The following BPTF variants were observed in gnomAD, a reference collection of about 807,000 sequenced individuals.
The protein encoded by BPTF is bromodomain PHD finger transcription factor.
A neutral mutation model predicts 292.5 loss-of-function variants in BPTF; 18 were observed. The ratio of observed to expected loss-of-function variants is 0.06; its 90% confidence interval spans 0.04 to 0.09. BPTF has a LOEUF of 0.09. BPTF is among the 10% of genes least tolerant of loss of function. The pLI is 1.00. For missense variants in BPTF, 2,726 were observed against 3,498.7 expected (o/e 0.78, Z 5.57); for synonymous variants, 1,225 against 1,251.9 (o/e 0.98, Z 0.45).
chr17:67,976,071 T>TCA, intron 27 of BPTF, 113 bp downstream of exon 27: 1 of 682,290 alleles, frequency 1.5e-6, no homozygotes, highest in Admixed American at 6.4e-5. Context: ...TTAAATATCT[T>TCA]TAAAAAAAAA....
intron 23 of BPTF, among the ~76,000 whole-genome samples, chr17:67,952,321 T>C (rs2148097800): frequency 6.7e-6 from 1 of 149,228 alleles, no homozygotes; most frequent in Non-Finnish European, 1.5e-5. Flanking sequence ...CTGGAGCGTG[T>C]AGGGCCATCT....
chr17:67,973,894 C>A (rs1253007803), intron 26 of BPTF: 1 of 151,996 alleles, frequency 6.6e-6, no homozygotes, highest in Non-Finnish European at 1.5e-5. Flanking sequence ...ACAGTTAAAT[C>A]TGTTCCTGTT....
intron 18 of BPTF, among the ~76,000 whole-genome samples, chr17:67,939,326 C>T (rs1242248833): frequency 6.6e-6 from 1 of 152,038 alleles, no homozygotes; most frequent in Non-Finnish European, 1.5e-5. Context: ...ATATGTGTAT[C>T]CACAGATGGA....
At chr17:67,917,988 T>G (rs143059429) in intron 11 of BPTF, among the ~76,000 whole-genome samples, 2 of 152,066 alleles carry the variant, frequency 1.3e-5, no homozygotes, top group Non-Finnish European at 2.9e-5. Context: ...ATTTTTTGTA[T>G]TTTTAGTAGA....
rs545085987 is a variant in BPTF, at chr17:67,975,586, A to G, written c.8540-186A>G. 76 of 517,170 alleles carry G rather than the reference A, an allele frequency of 1.5e-4. 1 individual carries two copies. The highest frequency in any genetic ancestry group is 1.2e-3 in the Admixed American group (31 of 26,906). The allele number at this position is 517,170 out of a possible 1,614,324, so 32.0% of individuals were successfully genotyped here. On this transcript the variant is annotated intron_variant, in intron 26 of 27. Coordinates refer to ENST00000306378, the MANE Select transcript of BPTF (RefSeq NM_182641.4). ...CCCGGATTTATATTTTAGAACCTCA[A>G]TCAGAAACAAAATTGGAAAAGTACT...
chr17:67,893,204 A>G, intron 5 of BPTF, 166 bp from the exon 6 acceptor site: 2 of 615,526 alleles, frequency 3.2e-6, no homozygotes, highest in East Asian at 2.8e-5. Flanking sequence ...ATTGTAAACA[A>G]TTAGCTTTAC....
Position 67,976,596 on chromosome 17 carries a change from C to T in BPTF, c.8726+638C>T, listed in dbSNP as rs530229003. Among the ~76,000 whole-genome samples the T allele has an allele frequency of 2.8e-4, 41 of 147,766 alleles. No individual in the cohort carries two copies. In the South Asian group the frequency reaches 3.0e-3, roughly 11 times the overall value. On this transcript the variant is annotated intron_variant, in intron 27 of 27. Transcript: ENST00000306378. ...AGCTACTCAGGAGGCTGTGACAGGA[C>T]GATCACTTGTGCCCAGGAGTTCAAG...
At chr17:67,981,902 C>CACACACACACACACACCT (rs1340309995) in intron 27 of BPTF, 1 of 184,128 alleles carries the variant, frequency 5.4e-6, no homozygotes, top group African/African-American at 2.4e-5. Flanking sequence ...CACACACACA[C>CACACACACACACACACCT]ACCTTTCACC....
intron 26 of BPTF, among the ~76,000 whole-genome samples, chr17:67,968,728 C>G (rs1158819572): frequency 2.0e-5 from 3 of 149,708 alleles, no homozygotes; most frequent in Non-Finnish European, 4.4e-5. Context: ...GTGGAGCTTG[C>G]AGTGAGCCAA....
At chr17:67,975,263 TCAA>T (rs1197264656) in intron 26 of BPTF, 3 of 152,400 alleles carry the variant, frequency 2.0e-5, no homozygotes, top group African/African-American at 4.8e-5. Flanking sequence ...TGGACACTTA[TCAA>T]TCCAGTCATG....
At position 67,891,918 on chromosome 17, in the gene BPTF, T is replaced by C. The variant is rs770701026; in HGVS notation, c.1939T>C (p.Ser647Pro). Residue 647 changes from serine to proline, a missense_variant, in exon 5 of 28, where the codon TCA becomes CCA. Coordinates refer to ENST00000306378, the MANE Select transcript of BPTF (RefSeq NM_182641.4). Reference sequence around the variant, plus strand: ...TGGAGCTGGAAAAGGAGCATCTGGCTCAACTCGAATCATCACCAGATTGCG... The same window carrying C: ...TGGAGCTGGAAAAGGAGCATCTGGCCCAACTCGAATCATCACCAGATTGCG... ...SPGAGKGASG[S>P]TRIITRLRNP... 1.9e-6 allele frequency: 3 copies of C among 1,612,740 alleles called. No individual in the cohort carries two copies. Among genetic ancestry groups the C allele is most frequent in the Non-Finnish European group, 2.5e-6 (3 of 1,179,548 alleles).
At chr17:67,913,291 G>A in intron 11 of BPTF, 104 bp downstream of exon 11, 1 of 1,445,892 alleles carries the variant, frequency 6.9e-7, no homozygotes. Context: ...GATAAGACAG[G>A]AAACATATTA....
In BPTF at chr17:67,897,894, T is replaced by G. The variant is rs79918595; in HGVS notation, c.2543+3729T>G. On this transcript the variant is annotated intron_variant, in intron 7 of 27. Coordinates refer to ENST00000306378, the MANE Select transcript of BPTF (RefSeq NM_182641.4). ...ACAAATAGAAAATTATGGCCCTGTC[T>G]TCTTTATTAATATTTATTAATAATT... Among the ~76,000 whole-genome samples the G allele has an allele frequency of 5.5e-4, 84 of 152,290 alleles. 7 individuals are homozygous for G. The East Asian group carries it at 0.016, about 29-fold the overall frequency.
Position 67,920,034 on chromosome 17 carries a change from C to G in BPTF, c.5448C>G (p.Ile1816Met). ...TTRTETSETE[I>M]TTTEIIKRRD... ...CCATAGAAACATCCGAAACTGAAATCACAACAACAGAAATAATTAAGAGGA... is the reference window on the plus strand; with the variant it reads ...CCATAGAAACATCCGAAACTGAAATGACAACAACAGAAATAATTAAGAGGA... Residue 1816 changes from isoleucine (I) to methionine (M), a missense_variant, in exon 13 of 28, where the codon ATC becomes ATG. Physicochemically the swap from Ile to Met is conservative, Grantham distance 10. This residue lies in a region of BPTF where 198 missense variants were observed against 277.1 expected (regional missense o/e 0.71). Coordinates refer to ENST00000306378, the MANE Select transcript of BPTF (RefSeq NM_182641.4). 1.2e-6 allele frequency: 2 copies of G among 1,610,248 alleles called. No individual in the cohort carries two copies. Among genetic ancestry groups the G allele is most frequent in the East Asian group, 2.2e-5 (1 of 44,812 alleles).
intron 4 of BPTF, among the ~76,000 whole-genome samples, chr17:67,889,820 A>G (rs1287737337): frequency 6.6e-6 from 1 of 151,902 alleles, no homozygotes; most frequent in African/African-American, 2.4e-5. Context: ...AAAAAAAGAA[A>G]AAAAACCTCC....
At chr17:67,918,585 A>C (rs1456119878) in intron 11 of BPTF, 129 bp from the exon 12 acceptor site, 2 of 779,694 alleles carry the variant, frequency 2.6e-6, no homozygotes. Flanking sequence ...TTACAAAACC[A>C]TATTATAAAT....
intron 23 of BPTF, chr17:67,951,510 C>T (rs2066353488): frequency 1.3e-5 from 2 of 152,006 alleles, no homozygotes; most frequent in South Asian, 4.2e-4. Flanking sequence ...TAAAGTGTGC[C>T]ACACACTGTT....
intron 18 of BPTF, among the ~76,000 whole-genome samples, chr17:67,939,303 A>G (rs1033947621): frequency 2.0e-5 from 3 of 152,244 alleles, no homozygotes; most frequent in Non-Finnish European, 2.9e-5. Flanking sequence ...CATTAAGAGA[A>G]ACACAAAGAT....
At chr17:67,840,476 G>C (rs2057464640) in intron 1 of BPTF, among the ~76,000 whole-genome samples, 1 of 151,748 alleles carries the variant, frequency 6.6e-6, no homozygotes, top group Admixed American at 6.6e-5. Flanking sequence ...TGTTGTTGCT[G>C]CTGCTGCTGC....
Sources: gnomAD v4.1 joint callset for allele counts (sites outside exome capture counted in the v4.1 genomes callset) on GRCh38, gnomAD v4.1.1 for gene constraint, gnomAD v4.1.1 regional missense constraint, MANE v1.5 for transcripts, NCBI Gene and HGNC (gene_info 2026-07-23, HGNC 2026-07-21) for gene names.